The following ARSD variants were observed in gnomAD, a reference collection of about 807,000 sequenced individuals.
ARSD encodes arylsulfatase D.
In ARSD, 21 loss-of-function variants were observed where a neutral mutation model predicts 32.6. That is an observed-to-expected ratio of 0.64 (90% CI 0.46 to 0.93). The LOEUF (loss-of-function observed/expected upper bound fraction) is 0.93, where lower values mean the gene tolerates loss of function less well. ARSD is among the 40% of genes least tolerant of loss of function. The pLI, the probability that ARSD is intolerant of heterozygous loss-of-function variation, is 0.00. For missense variants in ARSD, 454 were observed against 520.9 expected, an observed-to-expected ratio of 0.87 and a Z score of 1.25; for synonymous variants, 224 against 237.4, an observed-to-expected ratio of 0.94 and a Z score of 0.52.
chrX:2,927,023 C>G (rs5982617), intron 1 of ARSD, among the ~76,000 whole-genome samples: 10,429 of 102,617 alleles, frequency 0.1, 1,419 homozygotes, highest in African/African-American at 0.34. Flanking sequence ...GGACACGGCT[C>G]TACTGGGGGG....
intron 1 of ARSD, among the ~76,000 whole-genome samples, chrX:2,928,244 C>T (rs2089105633): frequency 9.9e-6 from 1 of 100,583 alleles, no homozygotes; most frequent in East Asian, 3.1e-4. Flanking sequence ...GGGGGATGGC[C>T]AGAGGGAAGT....
At chrX:2,923,102 A>C (rs1260424675) in intron 2 of ARSD, 1 of 162,909 alleles carries the variant, frequency 6.1e-6, no homozygotes. Flanking sequence ...CCAGAGGCTG[A>C]GGGTTAGGGT....
intron 4 of ARSD, 139 bp from the exon 5 acceptor site, chrX:2,918,366 G>T: frequency 1.8e-6 from 1 of 564,255 alleles, no homozygotes; most frequent in Non-Finnish European, 2.8e-6. Flanking sequence ...GGCAATGAAT[G>T]GATTGGATAC....
In ARSD at chrX:2,929,297, G is replaced by T. The variant is rs2147337036; in HGVS notation, c.-22C>A. ...GCATGGCCGAGCGCTGGCCCAGAGCGCAGGACCTTGCCCTGCGCACTCCGC... is the reference window on the plus strand; with the variant it reads ...GCATGGCCGAGCGCTGGCCCAGAGCTCAGGACCTTGCCCTGCGCACTCCGC... On this transcript the variant is annotated 5_prime_UTR_variant, in exon 1 of 10. Coordinates refer to ENST00000381154, the MANE Select transcript of ARSD (RefSeq NM_001669.4). 2 of 979,914 alleles carry T rather than the reference G, an allele frequency of 2.0e-6. No individual in the cohort carries two copies. Among genetic ancestry groups the T allele is most frequent in the South Asian group, 3.9e-5 (1 of 25,785 alleles). 80.8% of individuals were successfully genotyped at this position (979,914 alleles called of 1,213,427 possible). A position where few individuals can be genotyped will look rare whatever the true frequency, so the allele number is the denominator to read the frequency against.
At chrX:2,919,914 C>T (rs1386967375) in intron 4 of ARSD, among the ~76,000 whole-genome samples, 3 of 111,455 alleles carry the variant, frequency 2.7e-5, no homozygotes, top group African/African-American at 9.8e-5. Flanking sequence ...GGCTTCATTC[C>T]GTGTAATTCC....
rs1286407919 is a variant in ARSD, at chrX:2,929,266, C to T, written c.10G>A (p.Ala4Thr). MRS[A>T]ARRGRAAPAA... is the part of the protein sequence containing the mutation. Reference sequence around the variant, plus strand: ...GGCGCGGCGCGTCCCCTCCGCGCGGCGGATCGCATGGCCGAGCGCTGGCCC... The same window carrying T: ...GGCGCGGCGCGTCCCCTCCGCGCGGTGGATCGCATGGCCGAGCGCTGGCCC... The change falls in exon 1 of 10, where the codon GCC becomes ACC. Residue 4 changes from alanine to threonine, a missense_variant. Ala to Thr is a moderately conservative substitution (Grantham distance 58). This residue lies in a region of ARSD where 271 missense variants were observed against 301.0 expected (regional missense o/e 0.90). Transcript: ENST00000381154. The T allele has an allele frequency of 5.9e-6, 6 of 1,024,102 alleles. No individual in the cohort carries two copies. Among genetic ancestry groups the T allele is most frequent in the Middle Eastern group, 3.9e-4 (1 of 2,588 alleles). The allele number at this position is 1,024,102 out of a possible 1,213,427, so 84.4% of individuals were successfully genotyped here.
In ARSD at chrX:2,914,895, G is replaced by C. The variant is rs2088940831; in HGVS notation, c.1000+661C>G. The C allele has an allele frequency of 1.1e-5, 10 of 905,274 alleles. No homozygotes were observed. The African/African-American group carries it at 1.4e-4, about 13-fold the overall frequency. 74.6% of individuals were successfully genotyped at this position (905,274 alleles called of 1,213,427 possible). A position where few individuals can be genotyped will look rare whatever the true frequency, so the allele number is the denominator to read the frequency against. On this transcript the variant is annotated intron_variant, in intron 6 of 9. Transcript: ENST00000381154. ...TTTGTACTATTATTATTATTAAAGA[G>C]ACAGGGTCTCACTCTGTTGCCCAGC...
chrX:2,911,597 G>A (rs2088902122), intron 6 of ARSD, among the ~76,000 whole-genome samples: 1 of 104,725 alleles, frequency 9.5e-6, no homozygotes, highest in African/African-American at 3.5e-5. Flanking sequence ...GTGAACCCAG[G>A]AGGCGGAGCT....
rs2089127184 is a variant in ARSD, at chrX:2,929,260, G to A, written c.16C>T (p.Arg6Trp). 4.9e-6 allele frequency: 5 copies of A among 1,024,851 alleles called. No homozygotes were observed. The highest frequency in any genetic ancestry group is 2.0e-5 in the African/African-American group (1 of 49,914). 84.5% of individuals were successfully genotyped at this position (1,024,851 alleles called of 1,213,427 possible). ...GCGGCGGGCGCGGCGCGTCCCCTCCGCGCGGCGGATCGCATGGCCGAGCGC... is the reference window on the plus strand; with the variant it reads ...GCGGCGGGCGCGGCGCGTCCCCTCCACGCGGCGGATCGCATGGCCGAGCGC... The part of the protein sequence containing the change: MRSAA[R>W]RGRAAPAARD... The change falls in exon 1 of 10, where the codon CGG becomes TGG. Residue 6 changes from arginine to tryptophan, a missense_variant. By Grantham distance (101) the Arg-to-Trp change is moderately radical. Around this residue, in one of 3 missense-constraint regions of ARSD, gnomAD observed 271 missense variants for 301.0 expected, o/e 0.90. Transcript: ENST00000381154.
Position 2,907,822 on chromosome X carries a change from G to A in ARSD, c.1421-190C>T, listed in dbSNP as rs189957617. ...AGAGCATGTGTGTGTGCGCGCGTGC[G>A]CCCATGTGTGTCCGTTTGTGTCTCT... On this transcript the variant is annotated intron_variant, in intron 9 of 9. Transcript: ENST00000381154. 27 of 982,169 alleles carry A rather than the reference G, an allele frequency of 2.7e-5. No homozygotes were observed. The East Asian group carries it at 5.8e-4, about 21-fold the overall frequency. The allele number at this position is 982,169 out of a possible 1,213,427, so 80.9% of individuals were successfully genotyped here. A position where few individuals can be genotyped will look rare whatever the true frequency, so the allele number is the denominator to read the frequency against.
chrX:2,910,539 G>T, intron 7 of ARSD, 120 bp downstream of exon 7: 1 of 1,000,008 alleles, frequency 1.0e-6, no homozygotes, highest in Non-Finnish European at 1.4e-6. Flanking sequence ...ACTACAGTAG[G>T]TGCTCAATGC....
At chrX:2,914,777 T>C (rs772291810) in intron 6 of ARSD, 1 of 1,023,565 alleles carries the variant, frequency 9.8e-7, no homozygotes, top group Non-Finnish European at 1.3e-6. Context: ...TCACTGGCTG[T>C]GTAGAAGGTT....
chrX:2,918,776 A>G (rs975320317), intron 4 of ARSD, among the ~76,000 whole-genome samples: 2 of 110,965 alleles, frequency 1.8e-5, no homozygotes. Flanking sequence ...AAAATTAAAA[A>G]AAGTGAGAGA....
Position 2,909,993 on chromosome X carries a change from A to T in ARSD, c.1136-14T>A, listed in dbSNP as rs2088889365. 1 of 1,207,727 alleles carries T rather than the reference A, an allele frequency of 8.3e-7. No individual in the cohort carries two copies. The highest frequency in any genetic ancestry group is 2.2e-5 in the Admixed American group (1 of 45,490). ...TGCCCTTCCCACCTGTAAGTAGAAGACATCGTTAGGATTTTGCCGGAAACT... is the reference window on the plus strand; with the variant it reads ...TGCCCTTCCCACCTGTAAGTAGAAGTCATCGTTAGGATTTTGCCGGAAACT... On this transcript the variant is annotated splice_polypyrimidine_tract_variant and intron_variant, in intron 7 of 9. Coordinates refer to ENST00000381154, the MANE Select transcript of ARSD (RefSeq NM_001669.4).
At chrX:2,912,706 G>A (rs2088912743) in intron 6 of ARSD, among the ~76,000 whole-genome samples, 1 of 111,514 alleles carries the variant, frequency 9.0e-6, no homozygotes, top group African/African-American at 3.3e-5. Context: ...TAAAGACACT[G>A]GGGAGAGGGA....
intron 5 of ARSD, among the ~76,000 whole-genome samples, chrX:2,916,200 A>AGAATGGAG (rs2088958493): frequency 9.1e-6 from 1 of 109,370 alleles, no homozygotes; most frequent in Non-Finnish European, 1.9e-5. Context: ...GCCATAAAAA[A>AGAATGGAG]GAATGGAGGC....
intron 9 of ARSD, chrX:2,908,073 C>G: frequency 2.1e-6 from 1 of 475,411 alleles, no homozygotes; most frequent in Non-Finnish European, 2.6e-6. Flanking sequence ...TCTATCAATC[C>G]ATCCATTTAT....
At chrX:2,910,022 C>T (rs776829608) in intron 7 of ARSD, 43 bp from the exon 8 acceptor site, 3 of 1,201,585 alleles carry the variant, frequency 2.5e-6, no homozygotes, top group Admixed American at 2.2e-5. Flanking sequence ...GGAAACTGCC[C>T]AGTCTGTACA....
intron 1 of ARSD, among the ~76,000 whole-genome samples, chrX:2,926,466 T>A (rs1256235029): frequency 8.9e-6 from 1 of 112,217 alleles, no homozygotes; most frequent in African/African-American, 3.2e-5. Flanking sequence ...TTTTGTTACA[T>A]CCCAGCCTGT....
Sources: gnomAD v4.1 joint callset for allele counts (sites outside exome capture counted in the v4.1 genomes callset) on GRCh38, gnomAD v4.1.1 for gene constraint, gnomAD v4.1.1 regional missense constraint, MANE v1.5 for transcripts, NCBI Gene and HGNC (gene_info 2026-07-23, HGNC 2026-07-21) for gene names.